The following APLP2 variants were observed in gnomAD, a reference collection of about 807,000 sequenced individuals.
APLP2 encodes the protein amyloid beta precursor like protein 2, also known as CDEI box-binding protein.
Under a neutral mutation model 89.9 loss-of-function variants are expected in APLP2, and 53 were observed. The observed-to-expected ratio is 0.59, with a 90% CI of 0.47 to 0.74. APLP2 has a LOEUF of 0.74. Ranked by LOEUF, APLP2 falls within the 30% of genes least tolerant of loss-of-function variation. APLP2 has a pLI of 0.00. For missense variants in APLP2, 973 were observed against 975.9 expected, an observed-to-expected ratio of 1.00 and a Z score of 0.04; for synonymous variants, 372 against 348.6, an observed-to-expected ratio of 1.07 and a Z score of -0.75.
At position 130,130,182 on chromosome 11, in the gene APLP2, T is replaced by G; in HGVS notation, c.1584+16T>G. On this transcript the variant is annotated intron_variant, in intron 11 of 16. Transcript: ENST00000338167. ...GAAATCCCAGGTACAGTAGATGTAG[T>G]AGAAATTGCTGCCGTGAGGGCATTT... is the stretch of plus-strand genomic sequence containing the variant. The G allele has an allele frequency of 6.2e-7, 1 of 1,614,220 alleles. No individual in the cohort carries two copies. Among genetic ancestry groups the G allele is most frequent in the South Asian group, 1.1e-5 (1 of 91,088 alleles).
chr11:130,079,078 A>AT (rs58245004), intron 1 of APLP2, among the ~76,000 whole-genome samples: 2 of 142,788 alleles, frequency 1.4e-5, no homozygotes, highest in Non-Finnish European at 3.0e-5. Flanking sequence ...CATGACATGT[A>AT]TTTTTTTTAT....
chr11:130,101,971 C>G (rs1243390448), intron 1 of APLP2: 2 of 456,110 alleles, frequency 4.4e-6, no homozygotes, highest in Non-Finnish European at 8.8e-6. Flanking sequence ...GATCAGCACC[C>G]TCAAATGTCT....
Position 130,133,658 on chromosome 11 carries a change from AAGG to A in APLP2, c.1619_1621del (p.Arg540del), listed in dbSNP as rs1444291843. On this transcript the variant is annotated inframe_deletion, in exon 12 of 17. Transcript: ENST00000338167. Reference sequence around the variant, plus strand: ...TGACACATCTCCACGTGATTGAAGAAAGGAGGAACCAAAGCCTCTCTCTGCTCT... The same window carrying A: ...TGACACATCTCCACGTGATTGAAGAAAGGAACCAAAGCCTCTCTCTGCTCT... 2 of 1,614,192 alleles carry A rather than the reference AAGG, an allele frequency of 1.2e-6. No homozygotes were observed. The highest frequency in any genetic ancestry group is 1.7e-6 in the Non-Finnish European group (2 of 1,180,004).
intron 13 of APLP2, chr11:130,139,702 C>T (rs1381231772): frequency 6.6e-6 from 1 of 152,202 alleles, no homozygotes; most frequent in Non-Finnish European, 1.5e-5. Flanking sequence ...GAGAAAGGTG[C>T]CTTCCATGCT....
At position 130,123,790 on chromosome 11, in the gene APLP2, C is replaced by A; in HGVS notation, c.1090+11C>A. On this transcript the variant is annotated intron_variant, in intron 7 of 16. Coordinates refer to ENST00000338167, the MANE Select transcript of APLP2 (RefSeq NM_001142276.2). The surrounding 1 kb of genome is among the most constrained non-coding windows in gnomAD (Gnocchi z 4.0). The stretch of plus-strand genomic sequence containing the variant: ...TGTGTAAAGCGATGAGTAAGTCCTG[C>A]CTCGCGCTGGTCCCGTGCGGCAGCA... 1 of 1,613,184 alleles carries A rather than the reference C, an allele frequency of 6.2e-7. No homozygotes were observed.
intron 1 of APLP2, chr11:130,070,461 C>A: frequency 9.9e-7 from 1 of 1,005,300 alleles, no homozygotes; most frequent in Non-Finnish European, 1.3e-6. Flanking sequence ...CCGGAGTCCG[C>A]GGCTGGGCTT....
At chr11:130,110,774 T>C (rs923463396) in intron 3 of APLP2, 113 bp downstream of exon 3, 4 of 1,324,468 alleles carry the variant, frequency 3.0e-6, no homozygotes, top group Non-Finnish European at 4.1e-6. Flanking sequence ...GAGTGTGACA[T>C]GAATTTATTG....
chr11:130,071,610 A>G (rs1048986234), intron 1 of APLP2, among the ~76,000 whole-genome samples: 1 of 152,228 alleles, frequency 6.6e-6, no homozygotes, highest in Non-Finnish European at 1.5e-5. Context: ...TGCTATGACT[A>G]ATTTGAGGCA....
chr11:130,086,196 C>T (rs1944092478), intron 1 of APLP2, among the ~76,000 whole-genome samples: 1 of 152,216 alleles, frequency 6.6e-6, no homozygotes, highest in Admixed American at 6.5e-5. Flanking sequence ...ACATCCTTGC[C>T]AACAGTTACT....
intron 1 of APLP2, among the ~76,000 whole-genome samples, chr11:130,083,109 C>T (rs1943521110): frequency 7.3e-6 from 1 of 137,512 alleles, no homozygotes; most frequent in Non-Finnish European, 1.5e-5. Flanking sequence ...AATCATAGCT[C>T]ACTAGAGCTT....
At chr11:130,086,935 T>C in intron 1 of APLP2, among the ~76,000 whole-genome samples, 1 of 152,184 alleles carries the variant, frequency 6.6e-6, no homozygotes, top group East Asian at 1.9e-4. Context: ...GTCTCAAGAT[T>C]GTGTGATTTC....
rs986375713 is a variant in APLP2 at position 130,137,228 on chromosome 11, T to G, written c.1837+1513T>G. ...AATCTCCTTTTGTGCTATTTTATTT[T>G]GTTTTTTATTGTTTTCCTTTCTGCT... is the stretch of plus-strand genomic sequence containing the variant. On this transcript the variant is annotated intron_variant, in intron 13 of 16. Coordinates refer to ENST00000338167, the MANE Select transcript of APLP2 (RefSeq NM_001142276.2). 5 of 1,608,978 alleles carry G rather than the reference T, an allele frequency of 3.1e-6. No individual in the cohort carries two copies. The Admixed American group carries it at 6.7e-5, about 21-fold the overall frequency.
At chr11:130,096,430 T>C (rs1426257457) in intron 1 of APLP2, among the ~76,000 whole-genome samples, 2 of 152,158 alleles carry the variant, frequency 1.3e-5, no homozygotes, top group Non-Finnish European at 2.9e-5. Flanking sequence ...ACAAAAGTGC[T>C]GTTGAGGCTG....
At chr11:130,090,521 C>A (rs1217407617) in intron 1 of APLP2, among the ~76,000 whole-genome samples, 1 of 151,928 alleles carries the variant, frequency 6.6e-6, no homozygotes. Context: ...TTGCACCGCC[C>A]TTAATCCATT....
At chr11:130,096,663 A>T (rs1946246811) in intron 1 of APLP2, among the ~76,000 whole-genome samples, 1 of 152,220 alleles carries the variant, frequency 6.6e-6, no homozygotes, top group South Asian at 2.1e-4. Flanking sequence ...GGTTATAATC[A>T]GCCGTGATTG....
At chr11:130,071,298 A>C (rs1941048900) in intron 1 of APLP2, among the ~76,000 whole-genome samples, 1 of 152,226 alleles carries the variant, frequency 6.6e-6, no homozygotes, top group African/African-American at 2.4e-5. Flanking sequence ...AGCCTCTCTG[A>C]TGGAACGGCT....
intron 1 of APLP2, among the ~76,000 whole-genome samples, chr11:130,099,982 G>T (rs574135795): frequency 6.6e-6 from 1 of 152,204 alleles, no homozygotes; most frequent in African/African-American, 2.4e-5. Context: ...ACCCTGTTTT[G>T]TAGATTAAAA....
intron 1 of APLP2, among the ~76,000 whole-genome samples, chr11:130,088,114 C>CA (rs1311975304): frequency 2.0e-5 from 3 of 152,202 alleles, no homozygotes; most frequent in African/African-American, 7.2e-5. Context: ...AATGTGGATG[C>CA]ATGAGGCATA....
intron 3 of APLP2, among the ~76,000 whole-genome samples, chr11:130,113,306 T>C (rs769642874): frequency 2.0e-5 from 3 of 152,238 alleles, no homozygotes; most frequent in Non-Finnish European, 4.4e-5. Context: ...AGTTTAAATT[T>C]GTTAGCATGT....
Sources: allele counts gnomAD v4.1 joint callset (sites outside exome capture counted in the v4.1 genomes callset), GRCh38; gene constraint gnomAD v4.1.1; non-coding constraint Gnocchi (gnomAD v3.1); transcripts MANE v1.5; gene names NCBI Gene and HGNC (gene_info 2026-07-23, HGNC 2026-07-21).